Variants in CACNG2 observed in about 807,000 individuals in gnomAD.
CACNG2 encodes voltage-dependent calcium channel gamma-2 subunit.
CACNG2 carries 3 observed loss-of-function variants against 25.9 expected under a neutral mutation model. The ratio of observed to expected loss-of-function variants is 0.12; its 90% CI spans 0.05 to 0.30. CACNG2 has a LOEUF of 0.30. Among genes scored for constraint, CACNG2 ranks in the 10% least tolerant of loss-of-function variants. The probability of loss-of-function intolerance (pLI) is 1.00; values close to 1 mark genes in which losing one functional copy is unlikely to be tolerated. For synonymous variants in CACNG2, 167 were observed against 173.3 expected (o/e 0.96, Z 0.29); for missense variants, 341 against 432.5 (o/e 0.79, Z 1.88).
intron 1 of CACNG2, among the ~76,000 whole-genome samples, chr22:36,695,988 G>C (rs978185007): frequency 7.9e-5 from 12 of 152,220 alleles, no homozygotes; most frequent in Admixed American, 7.2e-4. Flanking sequence ...TATTGCGTTT[G>C]AATATGGGTT....
At chr22:36,601,319 G>A (rs1018852567) in intron 1 of CACNG2, among the ~76,000 whole-genome samples, 8 of 152,128 alleles carry the variant, frequency 5.3e-5, no homozygotes, top group South Asian at 2.1e-4. Context: ...CATGCATGTT[G>A]TGGCAAATGA....
intron 1 of CACNG2, among the ~76,000 whole-genome samples, chr22:36,592,827 G>A (rs1052001361): frequency 1.3e-5 from 2 of 152,118 alleles, no homozygotes; most frequent in Admixed American, 6.5e-5. Context: ...TCTACGGTTC[G>A]ACTAGAGGAC....
At chr22:36,696,109 C>T (rs932994842) in intron 1 of CACNG2, among the ~76,000 whole-genome samples, 8 of 152,294 alleles carry the variant, frequency 5.3e-5, no homozygotes, top group South Asian at 2.1e-4. Context: ...AACCTGAAAG[C>T]GAACACTCAA....
At chr22:36,643,776 T>A (rs769160283) in intron 1 of CACNG2, among the ~76,000 whole-genome samples, 1 of 152,236 alleles carries the variant, frequency 6.6e-6, no homozygotes, top group Non-Finnish European at 1.5e-5. Flanking sequence ...CCACAGTCCC[T>A]ATTTCTTCTC....
At chr22:36,579,902 C>T (rs114406888) in intron 2 of CACNG2, among the ~76,000 whole-genome samples, 120 of 152,364 alleles carry the variant, frequency 7.9e-4, no homozygotes, top group African/African-American at 2.8e-3. Context: ...CTGAAGCCCT[C>T]CCCGGGCGCC....
At chr22:36,580,788 C>T (rs913549436) in intron 2 of CACNG2, among the ~76,000 whole-genome samples, 1 of 152,124 alleles carries the variant, frequency 6.6e-6, no homozygotes, top group Admixed American at 6.5e-5. Context: ...TCTTCCCTTA[C>T]TCCAAATCAC....
intron 1 of CACNG2, among the ~76,000 whole-genome samples, chr22:36,644,646 T>C (rs1936491317): frequency 6.6e-6 from 1 of 152,216 alleles, no homozygotes; most frequent in Non-Finnish European, 1.5e-5. Context: ...TTGGCAAATT[T>C]CTTAAACTTT....
chr22:36,627,630 T>C (rs1041697925), intron 1 of CACNG2, among the ~76,000 whole-genome samples: 3 of 143,804 alleles, frequency 2.1e-5, no homozygotes, highest in Middle Eastern at 3.5e-3. Context: ...GCAGTTAGCA[T>C]GAATGACTTT....
intron 1 of CACNG2, among the ~76,000 whole-genome samples, chr22:36,593,321 T>C (rs1213097135): frequency 6.6e-6 from 1 of 152,164 alleles, no homozygotes; most frequent in Non-Finnish European, 1.5e-5. Flanking sequence ...GGGAGCAGCA[T>C]TGGAGGCAAA....
At chr22:36,663,589 G>C (rs1227972536) in intron 1 of CACNG2, among the ~76,000 whole-genome samples, 36 of 152,138 alleles carry the variant, frequency 2.4e-4, no homozygotes, top group Non-Finnish European at 2.9e-5. Context: ...AAGATCACAG[G>C]AACTAGAGGG....
intron 2 of CACNG2, among the ~76,000 whole-genome samples, chr22:36,587,191 C>G (rs1030982516): frequency 1.3e-5 from 2 of 152,096 alleles, no homozygotes; most frequent in African/African-American, 4.8e-5. Flanking sequence ...ATGCAGAAGG[C>G]AGGAAGGACT....
chr22:36,691,108 A>G (rs1226419731), intron 1 of CACNG2, among the ~76,000 whole-genome samples: 1 of 152,242 alleles, frequency 6.6e-6, no homozygotes, highest in East Asian at 1.9e-4. Context: ...TTGAAGAAAT[A>G]GATGAGGGAA....
intron 1 of CACNG2, among the ~76,000 whole-genome samples, chr22:36,627,278 A>AAGTG (rs1569033870): frequency 3.9e-5 from 2 of 51,862 alleles, no homozygotes; most frequent in African/African-American, 1.4e-4. Context: ...GAGAGTGGGG[A>AAGTG]CGTGTGTGTG....
rs80186770 is a variant in CACNG2 at position 36,660,388 on chromosome 22, G to A, written c.211+41978C>T. On this transcript the variant is annotated intron_variant, in intron 1 of 3. Transcript: ENST00000300105. ...GCTTCAGCCCTCCAGTGCCAGGCGC[G>A]CACAGGCATATGTCACATTTCAGCA... Among the ~76,000 whole-genome samples, 370 of 152,382 alleles carry A rather than the reference G, an allele frequency of 2.4e-3. 4 individuals are homozygous for A. The highest frequency in any genetic ancestry group is 8.4e-3 in the African/African-American group (348 of 41,598).
intron 1 of CACNG2, among the ~76,000 whole-genome samples, chr22:36,593,860 T>TG (rs1569023562): frequency 6.6e-6 from 1 of 151,742 alleles, no homozygotes; most frequent in Admixed American, 6.6e-5. Flanking sequence ...GTCTGATTAA[T>TG]GGTGGTGCTG....
At chr22:36,581,128 C>A (rs1182207158) in intron 2 of CACNG2, among the ~76,000 whole-genome samples, 14 of 152,326 alleles carry the variant, frequency 9.2e-5, no homozygotes, top group Non-Finnish European at 4.4e-5. Flanking sequence ...GCTGCCACAG[C>A]AGACACATTC....
In CACNG2 at chr22:36,612,529, G is replaced by A. The variant is rs184381351; in HGVS notation, c.212-24981C>T. On this transcript the variant is annotated intron_variant, in intron 1 of 3. Transcript: ENST00000300105. The stretch of plus-strand genomic sequence containing the variant: ...TTGTTTTTACCAGCCAATATCTTCC[G>A]TACATTCATAGTTTATCGTCCCTGG... 5.0e-3 allele frequency among the ~76,000 whole-genome samples: 754 copies of A among 152,224 alleles called. 13 individuals are homozygous for A. The highest frequency in any genetic ancestry group is 6.5e-3 in the Non-Finnish European group (443 of 68,032).
At chr22:36,675,336 G>A (rs972821944) in intron 1 of CACNG2, among the ~76,000 whole-genome samples, 3 of 152,084 alleles carry the variant, frequency 2.0e-5, no homozygotes, top group Non-Finnish European at 4.4e-5. Context: ...GAGCCACCAT[G>A]CCTGGCTTAA....
chr22:36,643,274 TCCTTCCTC>T (rs927764000), intron 1 of CACNG2, among the ~76,000 whole-genome samples: 5 of 151,188 alleles, frequency 3.3e-5, no homozygotes, highest in South Asian at 2.1e-4. Context: ...TTTCCTTCCT[TCCTTCCTC>T]CCTTCCTCCC....
Sources: allele counts gnomAD v4.1 joint callset (sites outside exome capture counted in the v4.1 genomes callset), GRCh38; gene constraint gnomAD v4.1.1; transcripts MANE v1.5; gene names NCBI Gene and HGNC (gene_info 2026-07-23, HGNC 2026-07-21).